TSHZ3: variants seen among roughly 807,000 people sequenced by gnomAD.
TSHZ3 encodes the protein teashirt homolog 3.
Under a neutral mutation model 64.5 loss-of-function variants are expected in TSHZ3, and 10 were observed. That is an observed-to-expected ratio of 0.16 (90% CI 0.10 to 0.26). TSHZ3 has a LOEUF of 0.26. Among genes scored for constraint, TSHZ3 ranks in the 10% least tolerant of loss-of-function variants. The pLI, the probability that TSHZ3 is intolerant of heterozygous loss-of-function variation, is 1.00. For missense variants in TSHZ3, 1,242 were observed against 1,421.7 expected (o/e 0.87, Z 2.03); for synonymous variants, 608 against 593.1 (o/e 1.03, Z -0.36).
At chr19:31,205,594 G>C (rs1975155854) in intron 4 of TSHZ3, among the ~76,000 whole-genome samples, 1 of 152,212 alleles carries the variant, frequency 6.6e-6, no homozygotes, top group African/African-American at 2.4e-5. Context: ...CGCTTCACCA[G>C]GGAGCACCAT....
At chr19:31,323,476 G>T (rs540737532) in intron 1 of TSHZ3, among the ~76,000 whole-genome samples, 5 of 152,302 alleles carry the variant, frequency 3.3e-5, no homozygotes, top group African/African-American at 9.6e-5. Flanking sequence ...GAAAGACAAA[G>T]CATAATTCTA....
At chr19:31,214,017 A>T (rs1190338881) in intron 4 of TSHZ3, among the ~76,000 whole-genome samples, 1 of 152,226 alleles carries the variant, frequency 6.6e-6, no homozygotes. Flanking sequence ...ACTTGTGCTG[A>T]GTGTGGCCGC....
intron 3 of TSHZ3, among the ~76,000 whole-genome samples, chr19:31,232,946 T>C (rs1438940035): frequency 1.3e-5 from 2 of 152,218 alleles, no homozygotes; most frequent in African/African-American, 4.8e-5. Flanking sequence ...AAATGTATTA[T>C]AGTTGTTGAT....
rs567040941 is a variant in TSHZ3 at position 31,191,976 on chromosome 19, A to G, written n.809+12980T>C. On this transcript the variant is annotated intron_variant and non_coding_transcript_variant, in intron 5 of 6. Transcript: ENST00000651361. ...GATAACAATTTATTGGGCATATAAC[A>G]TATAAAGTAAGATACACAACAATAA... Among the ~76,000 whole-genome samples the G allele has an allele frequency of 7.6e-4, 116 of 152,376 alleles. No individual in the cohort carries two copies. In the South Asian group the frequency reaches 0.011, roughly 14 times the overall value.
At chr19:31,315,317 C>T (rs1916570890) in intron 1 of TSHZ3, among the ~76,000 whole-genome samples, 1 of 152,214 alleles carries the variant, frequency 6.6e-6, no homozygotes, top group Non-Finnish European at 1.5e-5. Context: ...GAGGAGATTC[C>T]CCCAGCCCCG....
intron 5 of TSHZ3, among the ~76,000 whole-genome samples, chr19:31,191,125 TTTGG>T: frequency 6.6e-6 from 1 of 152,202 alleles, no homozygotes; most frequent in East Asian, 1.9e-4. Flanking sequence ...GAACAAATTA[TTTGG>T]AAAAAAATGA....
chr19:31,159,970 G>A (rs1361174579), intron 5 of TSHZ3, among the ~76,000 whole-genome samples: 1 of 152,118 alleles, frequency 6.6e-6, no homozygotes, highest in East Asian at 1.9e-4. Context: ...AGAATTACAG[G>A]TGTGAGCCAC....
At chr19:31,289,442 G>A (rs1435265522) in intron 1 of TSHZ3, among the ~76,000 whole-genome samples, 1 of 152,190 alleles carries the variant, frequency 6.6e-6, no homozygotes, top group East Asian at 1.9e-4. Flanking sequence ...GGGAAATGGA[G>A]GGCAAGGAAA....
chr19:31,163,078 A>C (rs1974390778), intron 5 of TSHZ3, among the ~76,000 whole-genome samples: 1 of 152,234 alleles, frequency 6.6e-6, no homozygotes, highest in South Asian at 2.1e-4. Context: ...AAACCAGGGG[A>C]GATGAACTCA....
chr19:31,195,810 T>A (rs1974981736), intron 5 of TSHZ3: 2 of 152,050 alleles, frequency 1.3e-5, no homozygotes, highest in African/African-American at 4.8e-5. Context: ...GCATACATAA[T>A]CAATATAGTC....
intron 6 of TSHZ3, among the ~76,000 whole-genome samples, chr19:31,156,149 T>C (rs565117109): frequency 2.0e-5 from 3 of 152,340 alleles, no homozygotes; most frequent in South Asian, 2.1e-4. Context: ...CTATTCTGCT[T>C]ATTGTTTATT....
intron 1 of TSHZ3, among the ~76,000 whole-genome samples, chr19:31,257,876 G>T (rs1975932400): frequency 6.6e-6 from 1 of 152,178 alleles, no homozygotes. Flanking sequence ...AAAAGCAAAA[G>T]CCTTCAGCCC....
At chr19:31,315,503 T>C (rs1376405920) in intron 1 of TSHZ3, among the ~76,000 whole-genome samples, 2 of 152,190 alleles carry the variant, frequency 1.3e-5, no homozygotes, top group Non-Finnish European at 2.9e-5. Context: ...GCCGCAGCAG[T>C]GGGGCCCCTC....
chr19:31,235,631 CCTCTT>C (rs1389451904), intron 3 of TSHZ3, among the ~76,000 whole-genome samples: 7 of 110,002 alleles, frequency 6.4e-5, no homozygotes, highest in Admixed American at 3.0e-4. Flanking sequence ...TTCTTTCTTT[CCTCTT>C]TCTTTCTTTC....
intron 1 of TSHZ3, among the ~76,000 whole-genome samples, chr19:31,333,115 A>C (rs1180224672): frequency 1.6e-5 from 1 of 63,460 alleles, no homozygotes; most frequent in Admixed American, 2.4e-4. Context: ...ACAATAAATA[A>C]ATAAATAAAT....
downstream of TSHZ3, among the ~76,000 whole-genome samples, chr19:31,271,306 A>G (rs1976134646): frequency 2.0e-5 from 3 of 152,126 alleles, no homozygotes; most frequent in Admixed American, 2.0e-4. Context: ...ATCCTTAGGG[A>G]CAGAAAAATG....
chr19:31,155,225 C>T (rs1974291423), intron 6 of TSHZ3, among the ~76,000 whole-genome samples: 1 of 152,208 alleles, frequency 6.6e-6, no homozygotes, highest in Non-Finnish European at 1.5e-5. Context: ...CTCCCTGGGA[C>T]TATGTTACTT....
chr19:31,155,826 C>A (rs1465756622), intron 6 of TSHZ3, among the ~76,000 whole-genome samples: 1 of 152,212 alleles, frequency 6.6e-6, no homozygotes, highest in Non-Finnish European at 1.5e-5. Flanking sequence ...TTTTCCAGGA[C>A]ACCGATCTAA....
chr19:31,215,393 T>C (rs1431181179), intron 4 of TSHZ3, among the ~76,000 whole-genome samples: 1 of 151,922 alleles, frequency 6.6e-6, no homozygotes, highest in East Asian at 1.9e-4. Context: ...ACAAGAAACA[T>C]CAAAGAACAT....
Sources: gnomAD v4.1 joint callset for allele counts (sites outside exome capture counted in the v4.1 genomes callset) on GRCh38, gnomAD v4.1.1 for gene constraint, MANE v1.5 for transcripts, NCBI Gene and HGNC (gene_info 2026-07-23, HGNC 2026-07-21) for gene names.